Variants in BLTP3B observed in about 807,000 individuals in gnomAD.
BLTP3B encodes the protein UHRF1 (ICBP90) binding protein 1-like.
At chr12:100,110,242 C>T in the BLTP3B span, among the ~76,000 whole-genome samples, 1 of 152,186 alleles carries the variant, frequency 6.6e-6, no homozygotes, top group African/African-American at 2.4e-5. Context: ...CATGTTTCTC[C>T]ACTGACTCCA....
chr12:100,107,379 C>G, the BLTP3B span, among the ~76,000 whole-genome samples: 1 of 149,318 alleles, frequency 6.7e-6, no homozygotes, highest in African/African-American at 2.5e-5. Context: ...AACAGAGACC[C>G]TTAAAAATCT....
At chr12:100,098,608 T>C in the BLTP3B span, 2 of 1,477,462 alleles carry the variant, frequency 1.4e-6, no homozygotes, top group Non-Finnish European at 1.8e-6. Flanking sequence ...CTATTAATAT[T>C]TGCACATTTC....
At chr12:100,039,967 A>C in the BLTP3B span, among the ~76,000 whole-genome samples, 1 of 152,176 alleles carries the variant, frequency 6.6e-6, no homozygotes, top group African/African-American at 2.4e-5. Flanking sequence ...AGATCAACTA[A>C]ATAAACTTTT....
At chr12:100,126,036 T>C in the BLTP3B span, among the ~76,000 whole-genome samples, 1 of 151,858 alleles carries the variant, frequency 6.6e-6, no homozygotes, top group East Asian at 1.9e-4. Flanking sequence ...GAGGCTGAGG[T>C]GGGAGGATGA....
the BLTP3B span, among the ~76,000 whole-genome samples, chr12:100,041,415 G>A: frequency 3.5e-4 from 51 of 145,306 alleles, no homozygotes; most frequent in Non-Finnish European, 6.0e-4. Flanking sequence ...AGACAAGGCT[G>A]TCTGCTATTG....
the BLTP3B span, among the ~76,000 whole-genome samples, chr12:100,038,602 C>T: frequency 6.6e-6 from 1 of 152,152 alleles, no homozygotes; most frequent in East Asian, 1.9e-4. Flanking sequence ...TCCCAAAGTG[C>T]TGGGATTACA....
chr12:100,137,906 C>T, the BLTP3B span, among the ~76,000 whole-genome samples: 1 of 152,080 alleles, frequency 6.6e-6, no homozygotes, highest in African/African-American at 2.4e-5. Context: ...GCTGTACAAC[C>T]CTTTGCCATT....
chr12:100,062,973 A>G, the BLTP3B span, among the ~76,000 whole-genome samples: 1 of 150,654 alleles, frequency 6.6e-6, no homozygotes, highest in African/African-American at 2.4e-5. Flanking sequence ...AAAAGAAAAG[A>G]ATTTAAAAAA....
At chr12:100,130,776 T>C in the BLTP3B span, among the ~76,000 whole-genome samples, 3 of 151,892 alleles carry the variant, frequency 2.0e-5, no homozygotes, top group Non-Finnish European at 4.4e-5. Context: ...ACAAAAATAC[T>C]GGCTGGGCAT....
chr12:100,061,641 A>G, the BLTP3B span, among the ~76,000 whole-genome samples: 7 of 142,768 alleles, frequency 4.9e-5, no homozygotes, highest in Non-Finnish European at 9.0e-5. Flanking sequence ...TGGATGACAG[A>G]GCGAGACTCC....
At chr12:100,089,166 T>C in the BLTP3B span, 2 of 1,314,002 alleles carry the variant, frequency 1.5e-6, no homozygotes, top group Non-Finnish European at 2.0e-6. Flanking sequence ...AATCTAAGTA[T>C]TTTCAGTCGA....
the BLTP3B span, chr12:100,092,783 C>T: frequency 1.8e-6 from 1 of 566,760 alleles, no homozygotes; most frequent in Non-Finnish European, 2.2e-6. Context: ...ACCTAAGCTA[C>T]CAAAATCTTC....
the BLTP3B span, among the ~76,000 whole-genome samples, chr12:100,105,443 G>C: frequency 2.0e-5 from 3 of 151,948 alleles, no homozygotes; most frequent in East Asian, 5.8e-4. Context: ...ACTGGAGAAA[G>C]GACACCATAT....
the BLTP3B span, among the ~76,000 whole-genome samples, chr12:100,091,657 C>G: frequency 6.6e-6 from 1 of 151,960 alleles, no homozygotes; most frequent in East Asian, 1.9e-4. Flanking sequence ...CACCCGCCAC[C>G]ACGCCCGGCT....
At chr12:100,103,402 A>G in the BLTP3B span, among the ~76,000 whole-genome samples, 1 of 151,924 alleles carries the variant, frequency 6.6e-6, no homozygotes, top group Non-Finnish European at 1.5e-5. Flanking sequence ...CACTAACACT[A>G]CTCCAGTCAT....
At chr12:100,110,352 T>C in the BLTP3B span, among the ~76,000 whole-genome samples, 5 of 152,316 alleles carry the variant, frequency 3.3e-5, no homozygotes, top group South Asian at 2.1e-4. Context: ...TGACCAATGA[T>C]GCTGAGCTGT....
At chr12:100,085,574 A>G in the BLTP3B span, among the ~76,000 whole-genome samples, 2 of 152,204 alleles carry the variant, frequency 1.3e-5, no homozygotes, top group African/African-American at 4.8e-5. Flanking sequence ...CATAGAAATG[A>G]CAAACATTGG....
the BLTP3B span, among the ~76,000 whole-genome samples, chr12:100,071,889 T>C: frequency 2.0e-5 from 3 of 152,218 alleles, no homozygotes; most frequent in Non-Finnish European, 4.4e-5. Context: ...ATTCTACAAA[T>C]AACCTAGCTT....
At chr12:100,044,945 T>C in the BLTP3B span, among the ~76,000 whole-genome samples, 31 of 150,750 alleles carry the variant, frequency 2.1e-4, no homozygotes, top group Non-Finnish European at 1.0e-4. Context: ...AGCATTCCTA[T>C]ACACCATTAA....
Sources: gnomAD v4.1 joint callset for allele counts (sites outside exome capture counted in the v4.1 genomes callset) on GRCh38, gnomAD v4.1.1 for gene constraint, MANE v1.5 for transcripts, NCBI Gene and HGNC (gene_info 2026-07-23, HGNC 2026-07-21) for gene names.